Variants in CELF2 observed in about 807,000 individuals in gnomAD.
CELF2 encodes the protein CUGBP Elav-like family member 2, also known as CUG triplet repeat RNA-binding protein 2.
A neutral mutation model predicts 62.6 loss-of-function variants in CELF2; 8 were observed. The ratio of observed to expected loss-of-function variants is 0.13; its 90% CI spans 0.07 to 0.23. The LOEUF (loss-of-function observed/expected upper bound fraction) is 0.23. CELF2 is among the 10% of genes least tolerant of loss of function. CELF2 has a pLI of 1.00. For synonymous variants in CELF2, 258 were observed against 250.0 expected (o/e 1.03, Z -0.30); for missense variants, 333 against 671.0 (o/e 0.50, Z 5.56).
chr10:10,514,025 A>T, the CELF2 span, among the ~76,000 whole-genome samples: 1,425 of 152,242 alleles, frequency 9.4e-3, 17 homozygotes, highest in African/African-American at 0.032. Flanking sequence ...AGAGCCTTCC[A>T]CTTGCTCTCA....
chr10:11,257,293 T>C (rs2079062612), intron 4 of CELF2, among the ~76,000 whole-genome samples: 1 of 137,798 alleles, frequency 7.3e-6, no homozygotes, highest in African/African-American at 2.7e-5. Context: ...TTTCCTCTCC[T>C]GACCTTTCTC....
chr10:10,822,566 A>G (rs2057052609), intron 1 of CELF2, among the ~76,000 whole-genome samples: 1 of 152,242 alleles, frequency 6.6e-6, no homozygotes, highest in Admixed American at 6.5e-5. Flanking sequence ...GTGTTCAGCC[A>G]GAAGTTCAAC....
chr10:10,707,013 C>T, the CELF2 span, among the ~76,000 whole-genome samples: 3 of 152,200 alleles, frequency 2.0e-5, no homozygotes, highest in African/African-American at 7.2e-5. Flanking sequence ...ACTCGGATTT[C>T]ATCTTCCAAA....
At chr10:11,028,738 G>A (rs61830390) in intron 1 of CELF2, among the ~76,000 whole-genome samples, 2 of 142,538 alleles carry the variant, frequency 1.4e-5, no homozygotes, top group East Asian at 4.1e-4. Context: ...TTTTTTTTGG[G>A]AGATGGAATC....
chr10:11,069,018 C>A (rs996905090), intron 1 of CELF2, among the ~76,000 whole-genome samples: 2 of 152,084 alleles, frequency 1.3e-5, no homozygotes, highest in Non-Finnish European at 2.9e-5. Context: ...GGAATTTGTT[C>A]ATCCATGCTT....
the CELF2 span, among the ~76,000 whole-genome samples, chr10:10,506,713 G>C: frequency 0.046 from 4,817 of 105,668 alleles, 301 homozygotes; most frequent in African/African-American, 0.16. Context: ...TGGAGTCTCT[G>C]TTGTCCAGGC....
chr10:10,526,622 A>G, the CELF2 span, among the ~76,000 whole-genome samples: 1 of 152,064 alleles, frequency 6.6e-6, no homozygotes, highest in Non-Finnish European at 1.5e-5. Context: ...AGGCATCTCA[A>G]AGTCCACCTC....
the CELF2 span, among the ~76,000 whole-genome samples, chr10:10,760,695 G>T: frequency 3.9e-5 from 6 of 152,194 alleles, no homozygotes; most frequent in Non-Finnish European, 7.3e-5. Context: ...GTCCGCTGAA[G>T]CCTAGAGGCT....
At position 11,238,121 on chromosome 10, in the gene CELF2, A is replaced by G. The variant is rs567748714; in HGVS notation, c.355-11032A>G. On this transcript the variant is annotated intron_variant, in intron 3 of 12. Transcript: ENST00000633077. ...AAGAATGAGTATTGGAGCGCCCATCATTGACTTCGGAAGACAGTTCCACAA... is the reference window on the plus strand; with the variant it reads ...AAGAATGAGTATTGGAGCGCCCATCGTTGACTTCGGAAGACAGTTCCACAA... Among the ~76,000 whole-genome samples, 107 of 152,358 alleles carry G rather than the reference A, an allele frequency of 7.0e-4. 1 individual carries two copies. The South Asian group carries it at 0.022, about 31-fold the overall frequency.
chr10:10,544,589 A>G, the CELF2 span, among the ~76,000 whole-genome samples: 8 of 152,276 alleles, frequency 5.3e-5, no homozygotes, highest in Non-Finnish European at 1.2e-4. Flanking sequence ...TACTACTACT[A>G]GTATTATCCA....
chr10:11,058,070 GA>G (rs34621194), intron 1 of CELF2, among the ~76,000 whole-genome samples: 1,916 of 126,686 alleles, frequency 0.015, 34 homozygotes, highest in African/African-American at 0.05. Flanking sequence ...ATCTGAAGAG[GA>G]AAAAAAAAAA....
chr10:11,208,095 G>A (rs2060871114), intron 2 of CELF2, among the ~76,000 whole-genome samples: 3 of 152,114 alleles, frequency 2.0e-5, no homozygotes. Context: ...GTGGTTGCTG[G>A]GATGGTTTTG....
rs891671917 is a variant in CELF2, at chr10:11,157,053, G to A, written c.75-8433G>A. 2.0e-5 allele frequency among the ~76,000 whole-genome samples: 3 copies of A among 152,136 alleles called. No individual in the cohort carries two copies. The highest frequency in any genetic ancestry group is 2.9e-5 in the Non-Finnish European group (2 of 68,030). ...CCTCTCCACAGGATTCCCACAGCGTGTGAGAATGAAGGGTGGAAATGGAAG... is the reference window on the plus strand; with the variant it reads ...CCTCTCCACAGGATTCCCACAGCGTATGAGAATGAAGGGTGGAAATGGAAG... On this transcript the variant is annotated intron_variant, in intron 1 of 12. Transcript: ENST00000633077. This position sits in a 1 kb window ranked among gnomAD's most constrained non-coding sequence, Gnocchi z 4.9.
At chr10:10,857,649 G>GTA (rs779543257) in intron 1 of CELF2, among the ~76,000 whole-genome samples, 13,069 of 93,706 alleles carry the variant, frequency 0.14, 969 homozygotes, top group Middle Eastern at 0.18. Flanking sequence ...CATATATATA[G>GTA]TATATATATA....
At chr10:11,138,958 T>C (rs1249113529) in intron 1 of CELF2, among the ~76,000 whole-genome samples, 2 of 152,262 alleles carry the variant, frequency 1.3e-5, no homozygotes, top group East Asian at 3.8e-4. Context: ...GGAGTTAATA[T>C]GTAATTACTG....
At chr10:10,484,615 C>A in the CELF2 span, among the ~76,000 whole-genome samples, 1 of 151,724 alleles carries the variant, frequency 6.6e-6, no homozygotes, top group African/African-American at 2.4e-5. Context: ...CCACACCCTG[C>A]CAGAGAGCTT....
At chr10:11,144,937 A>G (rs1489822590) in intron 1 of CELF2, among the ~76,000 whole-genome samples, 3 of 149,812 alleles carry the variant, frequency 2.0e-5, no homozygotes, top group African/African-American at 4.9e-5. Flanking sequence ...ACCCCTCGCC[A>G]AGCCCTGACT....
At chr10:10,510,091 A>G in the CELF2 span, among the ~76,000 whole-genome samples, 1 of 152,216 alleles carries the variant, frequency 6.6e-6, no homozygotes, top group Non-Finnish European at 1.5e-5. Flanking sequence ...TTTCCTTGGA[A>G]ACAAATTATA....
At chr10:11,142,475 G>A (rs2061510821) in intron 1 of CELF2, among the ~76,000 whole-genome samples, 3 of 152,072 alleles carry the variant, frequency 2.0e-5, no homozygotes, top group Non-Finnish European at 4.4e-5. Context: ...ACGAGGTCAG[G>A]AGATCGAGAC....
Sources: allele counts gnomAD v4.1 joint callset (sites outside exome capture counted in the v4.1 genomes callset), GRCh38; gene constraint gnomAD v4.1.1; non-coding constraint Gnocchi (gnomAD v3.1); transcripts MANE v1.5; gene names NCBI Gene and HGNC (gene_info 2026-07-23, HGNC 2026-07-21).